The following CKAP5 variants were observed in gnomAD, a reference collection of about 807,000 sequenced individuals.
CKAP5 encodes the protein cytoskeleton-associated protein 5.
A neutral mutation model predicts 232.8 loss-of-function variants in CKAP5; 27 were observed. The observed-to-expected ratio is 0.12, with a 90% confidence interval of 0.09 to 0.16. The LOEUF (loss-of-function observed/expected upper bound fraction) is 0.16, where lower values mean the gene tolerates loss of function less well. CKAP5 is among the 10% of genes least tolerant of loss of function. The pLI is 1.00. For missense variants in CKAP5, 1,838 were observed against 2,424.7 expected, an observed-to-expected ratio of 0.76 and a Z score of 5.08; for synonymous variants, 785 against 841.1, an observed-to-expected ratio of 0.93 and a Z score of 1.16.
chr11:46,786,359 G>C (rs190526864), intron 16 of CKAP5, among the ~76,000 whole-genome samples: 10 of 152,238 alleles, frequency 6.6e-5, no homozygotes, highest in South Asian at 4.2e-4. Flanking sequence ...ACTGGCAGGT[G>C]GGGGGACAGC....
At chr11:46,821,007 AGTTGAGCTAC>A in intron 2 of CKAP5, 158 bp downstream of exon 2, 2 of 543,018 alleles carry the variant, frequency 3.7e-6, no homozygotes, top group Non-Finnish European at 6.5e-6. Context: ...AAAAATTTTT[AGTTGAGCTAC>A]AGAAACCTAT....
intron 25 of CKAP5, 130 bp from the exon 26 acceptor site, chr11:46,770,228 G>A: frequency 1.2e-6 from 1 of 858,264 alleles, no homozygotes. Flanking sequence ...AAGTAAGGGA[G>A]GCAGTACATG....
intron 27 of CKAP5, among the ~76,000 whole-genome samples, chr11:46,765,688 T>C (rs2065197280): frequency 7.3e-6 from 1 of 137,528 alleles, no homozygotes; most frequent in Non-Finnish European, 1.5e-5. Context: ...CACTGCAATC[T>C]CCACCTCCTA....
chr11:46,760,541 C>T, intron 33 of CKAP5, 71 bp downstream of exon 33: 3 of 1,448,516 alleles, frequency 2.1e-6, no homozygotes, highest in East Asian at 2.3e-5. Flanking sequence ...GATTATGTTA[C>T]AGGACAGGCT....
chr11:46,761,898 AG>A (rs1430324493), intron 32 of CKAP5, 101 bp downstream of exon 32: 1 of 868,250 alleles, frequency 1.2e-6, no homozygotes, highest in Non-Finnish European at 1.8e-6. Context: ...ACTAAAAAGT[AG>A]TAAAAACTTA....
At chr11:46,792,106 A>G (rs1938742192) in intron 13 of CKAP5, among the ~76,000 whole-genome samples, 1 of 152,184 alleles carries the variant, frequency 6.6e-6, no homozygotes. Context: ...CTAACCCTAA[A>G]AATGGAAAAT....
chr11:46,760,860 C>T, intron 32 of CKAP5, 76 bp from the exon 33 acceptor site: 1 of 1,304,908 alleles, frequency 7.7e-7, no homozygotes, highest in Non-Finnish European at 1.1e-6. Flanking sequence ...CAAATAGAAC[C>T]TTCTATGTTA....
At chr11:46,760,960 G>A (rs1443463123) in intron 32 of CKAP5, among the ~76,000 whole-genome samples, 176 bp from the exon 33 acceptor site, 1 of 152,178 alleles carries the variant, frequency 6.6e-6, no homozygotes, top group East Asian at 1.9e-4. Context: ...TATGAAAGAA[G>A]GAGAGGGGCT....
chr11:46,765,824 C>G (rs4453194), intron 27 of CKAP5, among the ~76,000 whole-genome samples: 21,081 of 151,904 alleles, frequency 0.14, 2,459 homozygotes, highest in East Asian at 0.61. Flanking sequence ...AGGCTGGTCT[C>G]GAGCTCCTGA....
intron 33 of CKAP5, among the ~76,000 whole-genome samples, chr11:46,759,978 T>C (rs1028558250): frequency 1.2e-4 from 19 of 152,264 alleles, no homozygotes; most frequent in Admixed American, 3.3e-4. Context: ...ATCCAAGAAA[T>C]AGGGATTCAA....
chr11:46,745,470 T>A (rs1392256083), intron 42 of CKAP5, among the ~76,000 whole-genome samples: 1 of 152,150 alleles, frequency 6.6e-6, no homozygotes, highest in Non-Finnish European at 1.5e-5. Flanking sequence ...CATGCTTGGG[T>A]TGCAAATGTG....
chr11:46,752,357 C>T (rs914560053), intron 38 of CKAP5, among the ~76,000 whole-genome samples: 1 of 150,324 alleles, frequency 6.7e-6, no homozygotes, highest in Non-Finnish European at 1.5e-5. Flanking sequence ...CTCACTGTTG[C>T]CAAGGCTGGA....
At chr11:46,755,756 C>T (rs1211914464) in intron 35 of CKAP5, among the ~76,000 whole-genome samples, 9 of 151,634 alleles carry the variant, frequency 5.9e-5, no homozygotes, top group African/African-American at 2.2e-4. Context: ...TGGTGAAACC[C>T]CATCTCTACC....
At chr11:46,776,099 A>G (rs1416458125) in intron 24 of CKAP5, among the ~76,000 whole-genome samples, 156 bp downstream of exon 24, 13 of 152,234 alleles carry the variant, frequency 8.5e-5, no homozygotes, top group Admixed American at 8.5e-4. Flanking sequence ...AAATGGAAGC[A>G]CATGAATACA....
At chr11:46,791,764 T>C (rs553875795) in intron 13 of CKAP5, among the ~76,000 whole-genome samples, 89 of 152,270 alleles carry the variant, frequency 5.8e-4, no homozygotes, top group South Asian at 2.3e-3. Flanking sequence ...AAGAAAGTAG[T>C]ATATTACAAT....
Position 46,760,607 on chromosome 11 carries a change from C to T in CKAP5, c.4394+5G>A, listed in dbSNP as rs1371066216. ...GCTCTCAGACAAGTATCTCTATCTA[C>T]ATACTTGAGTTTGGAAGACATGTCC... On this transcript the variant is annotated splice_donor_5th_base_variant and intron_variant, in intron 33 of 43. Transcript: ENST00000529230. The T allele has an allele frequency of 1.9e-6, 3 of 1,613,362 alleles. No homozygotes were observed. Among genetic ancestry groups the T allele is most frequent in the African/African-American group, 1.3e-5 (1 of 74,932 alleles).
At chr11:46,818,571 G>T in intron 2 of CKAP5, 68 bp from the exon 3 acceptor site, 1 of 1,113,690 alleles carries the variant, frequency 9.0e-7, no homozygotes, top group Non-Finnish European at 1.2e-6. Context: ...ATTAATCTGG[G>T]GGGGGAGGGT....
intron 42 of CKAP5, among the ~76,000 whole-genome samples, chr11:46,749,122 C>A (rs1490110581): frequency 6.6e-6 from 1 of 151,658 alleles, no homozygotes; most frequent in African/African-American, 2.4e-5. Context: ...AGCCACCATG[C>A]CTGGCCAGGA....
At chr11:46,797,237 C>T (rs1210727106) in intron 11 of CKAP5, among the ~76,000 whole-genome samples, 1 of 152,038 alleles carries the variant, frequency 6.6e-6, no homozygotes, top group Non-Finnish European at 1.5e-5. Flanking sequence ...CGTGGTGGCA[C>T]ATGCCTATAA....
Sources: gnomAD v4.1 joint callset for allele counts (sites outside exome capture counted in the v4.1 genomes callset) on GRCh38, gnomAD v4.1.1 for gene constraint, MANE v1.5 for transcripts, NCBI Gene and HGNC (gene_info 2026-07-23, HGNC 2026-07-21) for gene names.